Variants in ABCA12 observed in about 807,000 individuals in gnomAD.
ABCA12 encodes glucosylceramide transporter ABCA12.
ABCA12 carries 156 observed loss-of-function variants against 293.5 expected under a neutral mutation model. The observed-to-expected ratio is 0.53, with a 90% CI of 0.47 to 0.61. ABCA12 has a LOEUF of 0.61. Among genes scored for constraint, ABCA12 ranks in the 20% least tolerant of loss-of-function variants. The pLI, the probability that ABCA12 is intolerant of heterozygous loss-of-function variation, is 0.00. For synonymous variants in ABCA12, 1,063 were observed against 1,108.0 expected (o/e 0.96, Z 0.81); for missense variants, 2,797 against 3,090.2 (o/e 0.91, Z 2.25).
chr2:214,932,815 C>G (rs959488315), intron 52 of ABCA12, 74 bp from the exon 53 acceptor site: 2 of 1,006,668 alleles, frequency 2.0e-6, no homozygotes, highest in Non-Finnish European at 3.1e-6. Context: ...TTCATTCTCT[C>G]TCTCTCCCCT....
chr2:215,127,939 A>G (rs1447148787), intron 1 of ABCA12, among the ~76,000 whole-genome samples: 1 of 152,128 alleles, frequency 6.6e-6, no homozygotes, highest in African/African-American at 2.4e-5. Context: ...ATGTGTTTCC[A>G]GGATTTGTTT....
intron 2 of ABCA12, among the ~76,000 whole-genome samples, chr2:215,109,843 G>T (rs761843251): frequency 2.0e-5 from 3 of 152,102 alleles, no homozygotes; most frequent in African/African-American, 7.2e-5. Context: ...TAACTGAAAA[G>T]TCCTTAAAAA....
intron 26 of ABCA12, among the ~76,000 whole-genome samples, chr2:214,988,901 G>A (rs965587985): frequency 1.3e-5 from 2 of 151,564 alleles, no homozygotes; most frequent in African/African-American, 2.4e-5. Flanking sequence ...GTTAAAGGCC[G>A]GGCATGGTGG....
intron 2 of ABCA12, among the ~76,000 whole-genome samples, chr2:215,078,519 T>A (rs1442197200): frequency 6.6e-6 from 1 of 152,360 alleles, no homozygotes; most frequent in East Asian, 1.9e-4. Context: ...CCAGTTCTTA[T>A]GCAGTCCTAG....
At chr2:214,969,094 A>C (rs1699330547) in intron 37 of ABCA12, among the ~76,000 whole-genome samples, 1 of 152,066 alleles carries the variant, frequency 6.6e-6, no homozygotes, top group Admixed American at 6.6e-5. Context: ...TCTCCAACTT[A>C]ACTGACCCAT....
Position 215,019,815 on chromosome 2 carries a change from G to C in ABCA12, c.1288-19C>G, listed in dbSNP as rs542018834. Reference sequence around the variant, plus strand: ...GAGACAGCTTTCCAAAAAGGGAAAAGAGTGGGAAATAGATTAGTTACATTT... The same window carrying C: ...GAGACAGCTTTCCAAAAAGGGAAAACAGTGGGAAATAGATTAGTTACATTT... On this transcript the variant is annotated intron_variant, in intron 11 of 52. Transcript: ENST00000272895. 28 of 1,606,758 alleles carry C rather than the reference G, an allele frequency of 1.7e-5. No individual in the cohort carries two copies. The East Asian group carries it at 1.8e-4, about 10-fold the overall frequency.
chr2:215,070,197 T>G (rs1039791769), intron 2 of ABCA12, among the ~76,000 whole-genome samples: 2 of 152,186 alleles, frequency 1.3e-5, no homozygotes, highest in African/African-American at 2.4e-5. Context: ...TATTGATTTT[T>G]CTGAAAATCT....
At chr2:214,987,320 T>G in intron 27 of ABCA12, among the ~76,000 whole-genome samples, 1 of 152,160 alleles carries the variant, frequency 6.6e-6, no homozygotes, top group Non-Finnish European at 1.5e-5. Context: ...TGGTTACCCC[T>G]TATGACTGGT....
intron 1 of ABCA12, among the ~76,000 whole-genome samples, chr2:215,124,935 C>G (rs1272777854): frequency 6.6e-6 from 1 of 152,158 alleles, no homozygotes; most frequent in African/African-American, 2.4e-5. Context: ...TTTATAGTTT[C>G]AGGTCTTCGG....
intron 2 of ABCA12, among the ~76,000 whole-genome samples, chr2:215,077,630 C>A (rs575735772): frequency 8.3e-4 from 127 of 152,320 alleles, no homozygotes; most frequent in African/African-American, 2.4e-3. Flanking sequence ...CATTACCGAG[C>A]TAAATTAAGT....
At chr2:215,053,425 T>C (rs1262570279) in intron 4 of ABCA12, among the ~76,000 whole-genome samples, 1 of 152,124 alleles carries the variant, frequency 6.6e-6, no homozygotes, top group Non-Finnish European at 1.5e-5. Context: ...TCCTTTAGAC[T>C]ATGGCAATAT....
At chr2:215,107,693 A>G (rs2106123849) in intron 2 of ABCA12, among the ~76,000 whole-genome samples, 1 of 152,296 alleles carries the variant, frequency 6.6e-6, no homozygotes, top group South Asian at 2.1e-4. Flanking sequence ...TATGAAGGGA[A>G]TCCTTTACGT....
intron 2 of ABCA12, among the ~76,000 whole-genome samples, chr2:215,090,232 C>T (rs1372710872): frequency 2.6e-5 from 4 of 152,180 alleles, no homozygotes; most frequent in Non-Finnish European, 2.9e-5. Flanking sequence ...AGCCCACCTG[C>T]ACCCAGGTAA....
At position 214,989,481 on chromosome 2, in the gene ABCA12, G is replaced by T. The variant is rs376029438; in HGVS notation, c.3695-18C>A. 17 of 1,613,706 alleles carry T rather than the reference G, an allele frequency of 1.1e-5. No homozygotes were observed. Among genetic ancestry groups the T allele is most frequent in the Non-Finnish European group, 1.4e-5 (16 of 1,179,914 alleles). On this transcript the variant is annotated intron_variant, in intron 25 of 52. Transcript: ENST00000272895. ...CTGAAGACCTAAAAAGTGAACACAAGTGTTTATTCTTCTGTGACACACAGC... is the reference window on the plus strand; with the variant it reads ...CTGAAGACCTAAAAAGTGAACACAATTGTTTATTCTTCTGTGACACACAGC...
rs201073472 is a variant in ABCA12, at chr2:214,950,978, A to C, written c.6753T>G (p.Phe2251Leu). ...RLRVESGAAE[F>L]DLVQLYCLTK... ...TGAGACAATAAAGTTGGACCAAGTC[A>C]AATTCAGCTGCACCACTCTCAACTC... Residue 2251 changes from phenylalanine to leucine, a missense_variant, in exon 45 of 53, where the codon TTT (phenylalanine) becomes TTG (leucine). Physicochemically the swap from Phe to Leu is conservative, Grantham distance 22. Coordinates refer to ENST00000272895, the MANE Select transcript of ABCA12 (RefSeq NM_173076.3). 1.1e-5 allele frequency: 18 copies of C among 1,614,160 alleles called. No individual in the cohort carries two copies. The highest frequency in any genetic ancestry group is 3.3e-5 in the Admixed American group (2 of 60,016).
intron 1 of ABCA12, among the ~76,000 whole-genome samples, chr2:215,129,574 G>T (rs1398431864): frequency 6.6e-6 from 1 of 152,114 alleles, no homozygotes; most frequent in Non-Finnish European, 1.5e-5. Context: ...TTCTAATGGG[G>T]TTGTTCGTTT....
At chr2:215,023,243 A>T (rs926454289) in intron 11 of ABCA12, 1 of 152,190 alleles carries the variant, frequency 6.6e-6, no homozygotes. Flanking sequence ...AGTGTTTCCC[A>T]TGTGTCATAC....
chr2:215,088,399 T>C (rs965203158), intron 2 of ABCA12, among the ~76,000 whole-genome samples: 8 of 152,188 alleles, frequency 5.3e-5, no homozygotes, highest in Non-Finnish European at 1.2e-4. Flanking sequence ...CTGTTTTGAA[T>C]GACTCAGTAG....
chr2:215,028,461 A>G (rs1254104761), intron 9 of ABCA12, among the ~76,000 whole-genome samples: 1 of 152,210 alleles, frequency 6.6e-6, no homozygotes, highest in African/African-American at 2.4e-5. Flanking sequence ...GCTTGTGCAT[A>G]GGCATTTCCT....
Sources: allele counts gnomAD v4.1 joint callset (sites outside exome capture counted in the v4.1 genomes callset), GRCh38; gene constraint gnomAD v4.1.1; transcripts MANE v1.5; gene names NCBI Gene and HGNC (gene_info 2026-07-23, HGNC 2026-07-21).